The following TLE1 variants were observed in gnomAD, a reference collection of about 807,000 sequenced individuals.
TLE1 encodes transducin-like enhancer protein 1.
TLE1 carries 21 observed loss-of-function variants against 89.8 expected under a neutral mutation model. The observed-to-expected ratio is 0.23, with a 90% confidence interval of 0.17 to 0.34. The LOEUF is 0.34. Ranked by LOEUF, TLE1 falls within the 10% of genes least tolerant of loss-of-function variation. The pLI, the probability that TLE1 is intolerant of heterozygous loss-of-function variation, is 1.00. For synonymous variants in TLE1, 447 were observed against 407.6 expected, an observed-to-expected ratio of 1.10 and a Z score of -1.16; for missense variants, 795 against 1,031.2, an observed-to-expected ratio of 0.77 and a Z score of 3.14.
At chr9:81,682,534 GGCTAAAATAAGGTTTATGTGT>G (rs1833760910) in intron 4 of TLE1, among the ~76,000 whole-genome samples, 1 of 152,098 alleles carries the variant, frequency 6.6e-6, no homozygotes, top group African/African-American at 2.4e-5. Context: ...AACATGAGTG[GGCTAAAATAAGGTTTATGTGT>G]GCATTTACAG....
Position 81,616,635 on chromosome 9 carries a change from A to G in TLE1, c.765+11T>C. On this transcript the variant is annotated intron_variant, in intron 10 of 19. Transcript: ENST00000376499. ...ATTCTGAAGACAAACTTTGATGAAAAGAATGGTTACCTCATTAGACACATC... is the reference window on the plus strand; with the variant it reads ...ATTCTGAAGACAAACTTTGATGAAAGGAATGGTTACCTCATTAGACACATC... 6.2e-7 allele frequency: 1 copy of G among 1,613,562 alleles called. No homozygotes were observed. The highest frequency in any genetic ancestry group is 8.5e-7 in the Non-Finnish European group (1 of 1,179,786).
chr9:81,670,140 G>T (rs978232971), intron 4 of TLE1, among the ~76,000 whole-genome samples: 2 of 152,124 alleles, frequency 1.3e-5, no homozygotes, highest in Non-Finnish European at 2.9e-5. Context: ...TGCTAGAATT[G>T]TAACAGCCAA....
At chr9:81,630,557 TAAAC>T (rs1037240464) in intron 8 of TLE1, among the ~76,000 whole-genome samples, 3 of 152,272 alleles carry the variant, frequency 2.0e-5, no homozygotes, top group Middle Eastern at 3.4e-3. Flanking sequence ...ATAACCCAGA[TAAAC>T]AAAAAGTTCT....
chr9:81,645,228 G>A (rs1327035027), intron 6 of TLE1, among the ~76,000 whole-genome samples: 13 of 149,886 alleles, frequency 8.7e-5, no homozygotes, highest in Non-Finnish European at 1.0e-4. Context: ...GCATGGTGGC[G>A]CATGTCTGTA....
intron 6 of TLE1, among the ~76,000 whole-genome samples, chr9:81,649,512 G>C (rs576857787): frequency 1.3e-5 from 2 of 152,084 alleles, no homozygotes; most frequent in Non-Finnish European, 2.9e-5. Context: ...AGAATGTTTC[G>C]GCTCATTTGC....
chr9:81,616,494 T>C, intron 10 of TLE1, 152 bp downstream of exon 10: 2 of 714,650 alleles, frequency 2.8e-6, no homozygotes. Flanking sequence ...CCATTATTGC[T>C]CCATACATGA....
chr9:81,633,271 T>A (rs1588053032), intron 8 of TLE1, 77 bp downstream of exon 8: 1 of 1,464,660 alleles, frequency 6.8e-7, no homozygotes, highest in East Asian at 2.2e-5. Context: ...TGTGGAGAAG[T>A]GTTGTCAGAA....
intron 18 of TLE1, 72 bp from the exon 19 acceptor site, chr9:81,584,596 T>A: frequency 7.2e-7 from 1 of 1,384,994 alleles, no homozygotes; most frequent in Non-Finnish European, 1.0e-6. Flanking sequence ...AACTTGGACT[T>A]AATCAAACTA....
At chr9:81,607,271 C>G (rs189210719) in intron 14 of TLE1, among the ~76,000 whole-genome samples, 1 of 152,142 alleles carries the variant, frequency 6.6e-6, no homozygotes, top group Non-Finnish European at 1.5e-5. Context: ...AAGGTGCTCA[C>G]AAGCCAAGGA....
chr9:81,637,567 C>T (rs1034886511), intron 6 of TLE1, among the ~76,000 whole-genome samples: 1 of 152,010 alleles, frequency 6.6e-6, no homozygotes, highest in African/African-American at 2.4e-5. Flanking sequence ...TTCTAGGTCC[C>T]CTGAACAAAC....
At chr9:81,676,858 T>G (rs977732708) in intron 4 of TLE1, among the ~76,000 whole-genome samples, 4 of 152,218 alleles carry the variant, frequency 2.6e-5, no homozygotes, top group Non-Finnish European at 4.4e-5. Context: ...ATGGAATGTG[T>G]GCTGACATTT....
In TLE1 at chr9:81,688,409, C is replaced by G. The variant is rs1834657094; in HGVS notation, c.-169G>C. 6 of 670,402 alleles carry G rather than the reference C, an allele frequency of 8.9e-6. No homozygotes were observed. The highest frequency in any genetic ancestry group is 1.4e-5 in the Non-Finnish European group (6 of 435,898). 41.5% of individuals were successfully genotyped at this position (670,402 alleles called of 1,614,324 possible). A position where few individuals can be genotyped will look rare whatever the true frequency, so the allele number is the denominator to read the frequency against. On this transcript the variant is annotated 5_prime_UTR_variant, in exon 1 of 20. Transcript: ENST00000376499. ...CGCACCGGCCACTCGGCGCCCGCAGCTGCTCCGGCTCCCGCTCCCGTCGGT... is the reference window on the plus strand; with the variant it reads ...CGCACCGGCCACTCGGCGCCCGCAGGTGCTCCGGCTCCCGCTCCCGTCGGT...
chr9:81,622,890 C>T (rs1825453540), intron 8 of TLE1, among the ~76,000 whole-genome samples: 1 of 152,144 alleles, frequency 6.6e-6, no homozygotes, highest in Non-Finnish European at 1.5e-5. Context: ...CCCTGGCCCA[C>T]GCAGCTGCCG....
intron 4 of TLE1, among the ~76,000 whole-genome samples, chr9:81,680,741 G>A (rs1346628916): frequency 3.3e-5 from 5 of 151,640 alleles, no homozygotes; most frequent in Admixed American, 3.3e-4. Context: ...AACAGGCCTG[G>A]CTAATGAAGT....
At chr9:81,668,801 G>T (rs1007139832) in intron 4 of TLE1, among the ~76,000 whole-genome samples, 6 of 152,130 alleles carry the variant, frequency 3.9e-5, no homozygotes, top group African/African-American at 1.4e-4. Context: ...TACTAGGGAA[G>T]CATTAAATAA....
In TLE1 at chr9:81,688,595, G is replaced by T; in HGVS notation, c.-355C>A. 2 of 262,766 alleles carry T rather than the reference G, an allele frequency of 7.6e-6. No individual in the cohort carries two copies. Among genetic ancestry groups the T allele is most frequent in the East Asian group, 7.1e-5 (1 of 14,126 alleles). The allele number at this position is 262,766 out of a possible 1,614,324, so 16.3% of individuals were successfully genotyped here. A position where few individuals can be genotyped will look rare whatever the true frequency, so the allele number is the denominator to read the frequency against. On this transcript the variant is annotated 5_prime_UTR_variant, in exon 1 of 20. Transcript: ENST00000376499. ...GGGGAGGCGGGGGCGCGGTGACTCCGACCGCACTCCCCTCGGCGATCCGCG... is the reference window on the plus strand; with the variant it reads ...GGGGAGGCGGGGGCGCGGTGACTCCTACCGCACTCCCCTCGGCGATCCGCG...
intron 4 of TLE1, among the ~76,000 whole-genome samples, chr9:81,655,787 A>C (rs1830080601): frequency 1.3e-5 from 2 of 151,126 alleles, no homozygotes; most frequent in South Asian, 4.2e-4. Flanking sequence ...AACAAAGTCG[A>C]GCCTGCGGTG....
intron 15 of TLE1, among the ~76,000 whole-genome samples, chr9:81,591,524 T>C (rs1192134272): frequency 6.6e-6 from 1 of 152,162 alleles, no homozygotes; most frequent in African/African-American, 2.4e-5. Context: ...GTGGCTGCTG[T>C]TACACTTAAG....
chr9:81,586,115 T>C (rs1828400456), intron 17 of TLE1, among the ~76,000 whole-genome samples: 1 of 151,742 alleles, frequency 6.6e-6, no homozygotes. Context: ...CCTCTTGGGT[T>C]CACGCCATTC....
Sources: allele counts gnomAD v4.1 joint callset (sites outside exome capture counted in the v4.1 genomes callset), GRCh38; gene constraint gnomAD v4.1.1; transcripts MANE v1.5; gene names NCBI Gene and HGNC (gene_info 2026-07-23, HGNC 2026-07-21).